Variants in ANLN observed in about 807,000 individuals in gnomAD.
ANLN encodes the protein anillin, actin binding protein, also known as anillin.
In ANLN, 59 loss-of-function variants were observed where a neutral mutation model predicts 135.1. That is an observed-to-expected ratio of 0.44 (90% confidence interval 0.35 to 0.54). The LOEUF is 0.54. Ranked by LOEUF, ANLN falls within the 20% of genes least tolerant of loss-of-function variation. The pLI is 0.00. For missense variants in ANLN, 1,182 were observed against 1,340.0 expected (o/e 0.88, Z 1.84); for synonymous variants, 406 against 456.4 (o/e 0.89, Z 1.41).
chr7:36,451,594 A>G (rs143161758), intron 23 of ANLN, among the ~76,000 whole-genome samples: 1 of 152,344 alleles, frequency 6.6e-6, no homozygotes, highest in East Asian at 1.9e-4. Flanking sequence ...GAGTAAACAC[A>G]CTTAGCACAG....
In ANLN at chr7:36,452,554, G is replaced by A. The variant is rs1289306655; in HGVS notation, c.3329G>A (p.Arg1110His). The change falls in exon 24 of 24, where the codon CGC becomes CAC. Residue 1110 changes from arginine (R) to histidine (H), a missense_variant. Arg to His is a conservative substitution (Grantham distance 29, BLOSUM62 0). Coordinates refer to ENST00000265748, the MANE Select transcript of ANLN (RefSeq NM_018685.5). ...CTCAATCAAGTTCTTGTTGATATTC[G>A]CCTCTGGCAACCTGATGCTTGCTAC... is the stretch of plus-strand genomic sequence containing the variant. ...QKLNQVLVDI[R>H]LWQPDACYKP... The A allele has an allele frequency of 6.2e-6, 10 of 1,613,966 alleles. No individual in the cohort carries two copies. In the Admixed American group the frequency reaches 6.7e-5, roughly 11 times the overall value.
chr7:36,417,102 G>A lies in ANLN; in HGVS notation c.1545G>A (p.Thr515=), dbSNP rs139579665. 429 of 1,603,388 alleles carry A rather than the reference G, an allele frequency of 2.7e-4. No individual in the cohort carries two copies. The highest frequency in any genetic ancestry group is 3.2e-4 in the Non-Finnish European group (376 of 1,175,060). ...EPKGFTECEM[T]KSSPLKITLF... is the part of the protein sequence containing the mutation. ...TAGGTTTCACTGAATGCGAAATGACGAAATCTAGCCCTTTGAAAATAACAT... is the reference window on the plus strand; with the variant it reads ...TAGGTTTCACTGAATGCGAAATGACAAAATCTAGCCCTTTGAAAATAACAT... Residue 515 remains threonine (T), a synonymous_variant, in exon 9 of 24, where the codon ACG becomes ACA. Coordinates refer to ENST00000265748, the MANE Select transcript of ANLN (RefSeq NM_018685.5).
rs538012308 is a variant in ANLN at position 36,417,398 on chromosome 7, T to C, written c.1633+208T>C. On this transcript the variant is annotated intron_variant, in intron 9 of 23. Transcript: ENST00000265748. The stretch of plus-strand genomic sequence containing the variant: ...GTGTGGTTAAGACCCTCACTGACTT[T>C]GACAGGGATAGGAAAGTTGCTGCCC... Among the ~76,000 whole-genome samples, 4 of 152,282 alleles carry C rather than the reference T, an allele frequency of 2.6e-5. No individual in the cohort carries two copies. The South Asian group carries it at 8.3e-4, about 32-fold the overall frequency.
intron 20 of ANLN, among the ~76,000 whole-genome samples, chr7:36,435,872 CAAAAAAAAAAAAAAA>C (rs57379889): frequency 5.7e-5 from 3 of 52,228 alleles, no homozygotes; most frequent in Non-Finnish European, 9.5e-5. Context: ...GACTCCGTCT[CAAAAAAAAAAAAAAA>C]AAAAAAAAAA....
intron 22 of ANLN, among the ~76,000 whole-genome samples, chr7:36,447,844 T>C (rs1657102184): frequency 6.6e-6 from 1 of 152,140 alleles, no homozygotes; most frequent in African/African-American, 2.4e-5. Flanking sequence ...TTTAATATTT[T>C]TCAACTATGG....
intron 20 of ANLN, among the ~76,000 whole-genome samples, chr7:36,435,393 G>C (rs1262022804): frequency 1.3e-5 from 2 of 151,148 alleles, no homozygotes; most frequent in African/African-American, 2.4e-5. Context: ...GGTGGGGGGG[G>C]GGTCTCAGTA....
chr7:36,412,327 A>ATATATTTT (rs1491401014), intron 7 of ANLN, among the ~76,000 whole-genome samples: 2 of 94,822 alleles, frequency 2.1e-5, no homozygotes, highest in East Asian at 4.4e-4. Context: ...ATATATATAT[A>ATATATTTT]TTTTTTTTTT....
intron 22 of ANLN, among the ~76,000 whole-genome samples, chr7:36,447,740 C>T (rs191511791): frequency 6.6e-6 from 1 of 152,154 alleles, no homozygotes; most frequent in African/African-American, 2.4e-5. Context: ...AGGGAGGATC[C>T]ACATGCCAGG....
At position 36,453,758 on chromosome 7, in the gene ANLN, TACTC is replaced by T. The variant is rs1400835317; in HGVS notation, c.*1160_*1163del. On this transcript the variant is annotated 3_prime_UTR_variant, in exon 24 of 24. Coordinates refer to ENST00000265748, the MANE Select transcript of ANLN (RefSeq NM_018685.5). ...TATAAAAATATATTTTATGAGCTCT[TACTC>T]AAATAAATACCTGTAAATGTCTAAA... The T allele has an allele frequency of 6.6e-6, 1 of 152,644 alleles. No homozygotes were observed. The highest frequency in any genetic ancestry group is 2.4e-5 in the African/African-American group (1 of 41,470). 9.5% of individuals were successfully genotyped at this position (152,644 alleles called of 1,614,324 possible).
In ANLN at chr7:36,421,958, A is replaced by G; in HGVS notation, c.2265A>G (p.Glu755=). The change falls in exon 13 of 24, where the codon GAA becomes GAG. Residue 755 remains glutamate (E), a synonymous_variant. Transcript: ENST00000265748. ...VDEEHGKGSL[E]EAEAERLLLI... ...AAGAACATGGAAAAGGGTCCCTAGAAGAAGCTGAAGCAGAAAGACTTCTTC... is the reference window on the plus strand; with the variant it reads ...AAGAACATGGAAAAGGGTCCCTAGAGGAAGCTGAAGCAGAAAGACTTCTTC... 3 of 1,613,650 alleles carry G rather than the reference A, an allele frequency of 1.9e-6. No homozygotes were observed. Among genetic ancestry groups the G allele is most frequent in the Non-Finnish European group, 2.5e-6 (3 of 1,179,766 alleles).
At chr7:36,437,798 T>G (rs1357980715) in intron 20 of ANLN, among the ~76,000 whole-genome samples, 2 of 152,066 alleles carry the variant, frequency 1.3e-5, no homozygotes, top group Non-Finnish European at 2.9e-5. Context: ...TTTTTGAGAG[T>G]TTCACTCTTG....
In ANLN at chr7:36,419,331, A is replaced by G. The variant is rs1787774509; in HGVS notation, c.1721A>G (p.Glu574Gly). Residue 574 changes from glutamate to glycine, a missense_variant, in exon 10 of 24, where the codon GAG (glutamate) becomes GGG (glycine). By Grantham distance (98) the Glu-to-Gly change is moderately conservative. Coordinates refer to ENST00000265748, the MANE Select transcript of ANLN (RefSeq NM_018685.5). ...AATGACCTCTTCAGTGATGTCCTAG[A>G]GGAAGGTGAACTAGATATGGAGAAG... ...VINDLFSDVLEEGELDMEKSQ... is the reference protein window; with the variant it reads ...VINDLFSDVLGEGELDMEKSQ... The G allele has an allele frequency of 6.2e-7, 1 of 1,614,018 alleles. No individual in the cohort carries two copies. Among genetic ancestry groups the G allele is most frequent in the African/African-American group, 1.3e-5 (1 of 74,936 alleles).
At position 36,407,907 on chromosome 7, in the gene ANLN, T is replaced by C. The variant is rs1787258803; in HGVS notation, c.1047T>C (p.Ser349=). ...SQTVPSKGEL[S]REICLQSQSK... ...CAGTTCCATCCAAGGGAGAATTAAG[T>C]AGAGAAATTTGTCTGCAATCTCAAT... The change falls in exon 5 of 24, where the codon AGT becomes AGC. Residue 349 remains serine, a synonymous_variant. Transcript: ENST00000265748. 6.2e-7 allele frequency: 1 copy of C among 1,613,670 alleles called. No individual in the cohort carries two copies. Among genetic ancestry groups the C allele is most frequent in the African/African-American group, 1.3e-5 (1 of 74,910 alleles).
At chr7:36,400,583 C>G (rs1163849437) in intron 3 of ANLN, among the ~76,000 whole-genome samples, 1 of 152,026 alleles carries the variant, frequency 6.6e-6, no homozygotes, top group Admixed American at 6.5e-5. Flanking sequence ...AGGCTGGTCT[C>G]GAACTCCTGA....
chr7:36,415,663 A>G (rs1312510849), intron 7 of ANLN, 95 bp from the exon 8 acceptor site: 3 of 1,320,388 alleles, frequency 2.3e-6, no homozygotes, highest in Non-Finnish European at 2.0e-6. Context: ...TATACAGAAT[A>G]ATATTTAATA....
intron 8 of ANLN, among the ~76,000 whole-genome samples, chr7:36,416,146 G>A (rs1376697602): frequency 2.6e-5 from 4 of 152,026 alleles, no homozygotes; most frequent in Non-Finnish European, 5.9e-5. Flanking sequence ...TCAGCCTCCC[G>A]AGTAGCTGGG....
chr7:36,425,785 A>G (rs200231441), intron 18 of ANLN, 45 bp downstream of exon 18: 1 of 1,566,634 alleles, frequency 6.4e-7, no homozygotes, highest in East Asian at 2.2e-5. Context: ...AGAAATCTTC[A>G]TCTTACCCAT....
chr7:36,432,756 A>AT (rs1356720585), intron 20 of ANLN, among the ~76,000 whole-genome samples: 1 of 151,326 alleles, frequency 6.6e-6, no homozygotes, highest in African/African-American at 2.4e-5. Context: ...CCTCTTTTGG[A>AT]TTTTTTAGCT....
chr7:36,407,842 G>C lies in ANLN; in HGVS notation c.982G>C (p.Gly328Arg). The part of the protein sequence containing the change: ...PKTPISPLKT[G>R]VSKPIVKSTL... Reference sequence around the variant, plus strand: ...AACTCCTATTAGTCCTCTGAAAACGGGGGTATCGAAACCAATTGTGAAGTC... The same window carrying C: ...AACTCCTATTAGTCCTCTGAAAACGCGGGTATCGAAACCAATTGTGAAGTC... The change falls in exon 5 of 24, where the codon GGG becomes CGG. Residue 328 changes from glycine (G) to arginine (R), a missense_variant. Transcript: ENST00000265748. 6.2e-7 allele frequency: 1 copy of C among 1,613,840 alleles called. No individual in the cohort carries two copies. The highest frequency in any genetic ancestry group is 8.5e-7 in the Non-Finnish European group (1 of 1,179,822).
Sources: allele counts gnomAD v4.1 joint callset (sites outside exome capture counted in the v4.1 genomes callset), GRCh38; gene constraint gnomAD v4.1.1; transcripts MANE v1.5; gene names NCBI Gene and HGNC (gene_info 2026-07-23, HGNC 2026-07-21).